DYNC2H1: variants seen among roughly 807,000 people sequenced by gnomAD.
The protein encoded by DYNC2H1 is dynein cytoplasmic 2 heavy chain 1.
Under a neutral mutation model 570.0 loss-of-function variants are expected in DYNC2H1, and 410 were observed. The ratio of observed to expected loss-of-function variants is 0.72; its 90% CI spans 0.66 to 0.78. DYNC2H1 has a LOEUF of 0.78. DYNC2H1 is among the 30% of genes least tolerant of loss of function. The pLI, the probability that DYNC2H1 is intolerant of heterozygous loss-of-function variation, is 0.00. For missense variants in DYNC2H1, 4,865 were observed against 5,046.4 expected (o/e 0.96, Z 1.09); for synonymous variants, 1,688 against 1,677.6 (o/e 1.01, Z -0.15).
At chr11:103,316,043 G>A (rs1376385160) in intron 79 of DYNC2H1, among the ~76,000 whole-genome samples, 1 of 151,968 alleles carries the variant, frequency 6.6e-6, no homozygotes, top group Non-Finnish European at 1.5e-5. Flanking sequence ...AGAGCTCTAT[G>A]AATATTCATT....
Position 103,209,909 on chromosome 11 carries a change from G to A in DYNC2H1, c.8488G>A (p.Gly2830Arg), listed in dbSNP as rs769394385. Residue 2830 changes from glycine (G) to arginine (R), a missense_variant, in exon 53 of 89, where the codon GGA becomes AGA. Gly to Arg is a moderately radical substitution (Grantham distance 125, BLOSUM62 -2). Coordinates refer to ENST00000375735, the MANE Select transcript of DYNC2H1 (RefSeq NM_001377.3). The surrounding 1 kb of genome is among the most constrained non-coding windows in gnomAD (Gnocchi z 4.2). The stretch of plus-strand genomic sequence containing the variant: ...AATGTTATTCAGTGAAACAGGTGGT[G>A]GAGAAAAATACAATGATAAAAAACG... ...PEMLFSETGG[G>R]EKYNDKKRKE... is the part of the protein sequence containing the mutation. The A allele has an allele frequency of 3.3e-5, 49 of 1,493,238 alleles. No homozygotes were observed. The highest frequency in any genetic ancestry group is 3.2e-4 in the Admixed American group (14 of 43,552). 92.5% of individuals were successfully genotyped at this position (1,493,238 alleles called of 1,614,324 possible).
At chr11:103,223,394 T>C (rs751656367) in intron 59 of DYNC2H1, among the ~76,000 whole-genome samples, 69 of 152,148 alleles carry the variant, frequency 4.5e-4, no homozygotes, top group Admixed American at 8.5e-4. Context: ...CGTTTTTTGT[T>C]TTTTGTTTTT....
chr11:103,202,935 T>G (rs1267946523), intron 50 of DYNC2H1, among the ~76,000 whole-genome samples: 1 of 152,174 alleles, frequency 6.6e-6, no homozygotes, highest in African/African-American at 2.4e-5. Context: ...CTTTCATCAT[T>G]CTATTCATCA....
At position 103,277,698 on chromosome 11, in the gene DYNC2H1, C is replaced by G. The variant is rs12280433; in HGVS notation, c.10696-2650C>G. 0.19 allele frequency among the ~76,000 whole-genome samples: 28,558 copies of G among 152,032 alleles called. 3,578 individuals are homozygous for G. Among genetic ancestry groups the G allele is most frequent in the African/African-American group, 0.36 (14,994 of 41,460 alleles). On this transcript the variant is annotated intron_variant, in intron 70 of 88. Transcript: ENST00000375735. This position sits in a 1 kb window ranked among gnomAD's most constrained non-coding sequence, Gnocchi z 4.3. ...TAGGGGAGTAGTTCTCTAAAGCAAG[C>G]TTGCCTCGACTCTTACCAGGTAACC...
At chr11:103,290,662 C>T (rs755548841) in intron 75 of DYNC2H1, among the ~76,000 whole-genome samples, 36 of 152,204 alleles carry the variant, frequency 2.4e-4, no homozygotes, top group Non-Finnish European at 4.9e-4. Flanking sequence ...TGCAGTTTGT[C>T]TCTGTGTTTC....
At chr11:103,380,110 AT>A (rs1021994191) in intron 83 of DYNC2H1, among the ~76,000 whole-genome samples, 7 of 152,190 alleles carry the variant, frequency 4.6e-5, no homozygotes, top group African/African-American at 1.7e-4. Flanking sequence ...AAATAAGTCA[AT>A]TTTTGTTGAA....
At chr11:103,202,713 T>C (rs1020906498) in intron 50 of DYNC2H1, among the ~76,000 whole-genome samples, 3 of 152,108 alleles carry the variant, frequency 2.0e-5, no homozygotes, top group Admixed American at 6.6e-5. Flanking sequence ...TTATTTTGGA[T>C]GTGTAGCAAA....
chr11:103,287,570 A>C lies in DYNC2H1; in HGVS notation c.11060A>C (p.Gln3687Pro), dbSNP rs1457070524. The C allele has an allele frequency of 6.2e-7, 1 of 1,612,044 alleles. No individual in the cohort carries two copies. Among genetic ancestry groups the C allele is most frequent in the African/African-American group, 1.3e-5 (1 of 74,896 alleles). Reference protein sequence around the residue: ...VVQALRPDRLQSAMALFACKT... With the variant: ...VVQALRPDRLPSAMALFACKT... Reference sequence around the variant, plus strand: ...CAGGCGCTAAGACCGGACAGATTGCAAAGTGCCATGGCTCTTTTTGCATGT... The same window carrying C: ...CAGGCGCTAAGACCGGACAGATTGCCAAGTGCCATGGCTCTTTTTGCATGT... The change falls in exon 75 of 89, where the codon CAA becomes CCA. Residue 3687 changes from glutamine to proline, a missense_variant. Coordinates refer to ENST00000375735, the MANE Select transcript of DYNC2H1 (RefSeq NM_001377.3).
intron 59 of DYNC2H1, among the ~76,000 whole-genome samples, chr11:103,225,339 A>G (rs926184447): frequency 1.3e-5 from 2 of 152,234 alleles, no homozygotes; most frequent in Non-Finnish European, 2.9e-5. Context: ...GCCAATGTCT[A>G]TAAGGGTATT....
intron 34 of DYNC2H1, among the ~76,000 whole-genome samples, chr11:103,172,866 T>G (rs1861630544): frequency 6.6e-6 from 1 of 151,906 alleles, no homozygotes; most frequent in Non-Finnish European, 1.5e-5. Context: ...AGTGTAGGTC[T>G]TAAGGAATTT....
intron 88 of DYNC2H1, among the ~76,000 whole-genome samples, chr11:103,469,253 T>C (rs1264335901): frequency 5.3e-5 from 8 of 152,222 alleles, no homozygotes; most frequent in Non-Finnish European, 8.8e-5. Context: ...TAAAGACTTA[T>C]TTAGTTAACT....
chr11:103,345,352 C>G (rs1263607064), intron 82 of DYNC2H1, among the ~76,000 whole-genome samples: 2 of 152,084 alleles, frequency 1.3e-5, no homozygotes, highest in South Asian at 2.1e-4. Context: ...TGCATAAGCT[C>G]AAGAGTTTCT....
intron 85 of DYNC2H1, among the ~76,000 whole-genome samples, chr11:103,444,098 T>A (rs908022361): frequency 1.3e-5 from 2 of 151,704 alleles, no homozygotes; most frequent in Non-Finnish European, 2.9e-5. Context: ...ATTAGTTAAA[T>A]TTTTATTAAT....
rs1206784265 is a variant in DYNC2H1, at chr11:103,186,486, A to C, written c.6878A>C (p.Glu2293Ala). The C allele has an allele frequency of 6.2e-7, 1 of 1,610,810 alleles. No homozygotes were observed. Among genetic ancestry groups the C allele is most frequent in the South Asian group, 1.1e-5 (1 of 91,040 alleles). ...CAGCCCTTTATTCTGGTAGGACCAG[A>C]AGGATGTGGCAAAGGGTAAGAAAAA... ...TKQPFILVGP[E>A]GCGKGMLLRY... The change falls in exon 42 of 89, where the codon GAA becomes GCA. Residue 2293 changes from glutamate to alanine, a missense_variant. This residue lies in a region of DYNC2H1 where 2,401 missense variants were observed against 2,454.6 expected (regional missense o/e 0.98). Coordinates refer to ENST00000375735, the MANE Select transcript of DYNC2H1 (RefSeq NM_001377.3). This position sits in a 1 kb window ranked among gnomAD's most constrained non-coding sequence, Gnocchi z 4.5.
chr11:103,413,885 T>A (rs914096806), intron 84 of DYNC2H1, among the ~76,000 whole-genome samples: 5 of 152,372 alleles, frequency 3.3e-5, no homozygotes, highest in Admixed American at 1.3e-4. Flanking sequence ...AGAATACACT[T>A]TCTCTTTTTT....
At chr11:103,466,799 T>A (rs1269437069) in intron 87 of DYNC2H1, among the ~76,000 whole-genome samples, 1 of 152,156 alleles carries the variant, frequency 6.6e-6, no homozygotes, top group Non-Finnish European at 1.5e-5. Context: ...AATTCTTATA[T>A]ATGACAAGTA....
At chr11:103,456,170 G>A in intron 86 of DYNC2H1, 105 bp from the exon 87 acceptor site, 1 of 825,768 alleles carries the variant, frequency 1.2e-6, no homozygotes, top group Non-Finnish European at 1.8e-6. Context: ...TTTACACATG[G>A]TAAATATTTT....
At position 103,109,473 on chromosome 11, in the gene DYNC2H1, G is replaced by T; in HGVS notation, c.-102G>T. On this transcript the variant is annotated 5_prime_UTR_variant, in exon 1 of 89. Transcript: ENST00000375735. ...GCGAAGCTCTGCGGTCCCGCGGTCG[G>T]GCTACGGGTTTGAGCAAAGCTCCTC... 8.4e-7 allele frequency: 1 copy of T among 1,188,828 alleles called. No individual in the cohort carries two copies. The highest frequency in any genetic ancestry group is 1.6e-5 in the South Asian group (1 of 64,146). The allele number at this position is 1,188,828 out of a possible 1,614,324, so 73.6% of individuals were successfully genotyped here.
At chr11:103,478,728 T>G (rs565716291) in intron 88 of DYNC2H1, among the ~76,000 whole-genome samples, 1 of 152,300 alleles carries the variant, frequency 6.6e-6, no homozygotes, top group East Asian at 1.9e-4. Context: ...ACAGAAAAAC[T>G]CTTTAAAACA....
Sources: allele counts gnomAD v4.1 joint callset (sites outside exome capture counted in the v4.1 genomes callset), GRCh38; gene constraint gnomAD v4.1.1; regional missense constraint gnomAD v4.1.1; non-coding constraint Gnocchi (gnomAD v3.1); transcripts MANE v1.5; gene names NCBI Gene and HGNC (gene_info 2026-07-23, HGNC 2026-07-21).